The following PTP4A1 variants were observed in gnomAD, a reference collection of about 807,000 sequenced individuals.
PTP4A1 encodes protein tyrosine phosphatase 4A1.
In PTP4A1, 9 loss-of-function variants were observed where a neutral mutation model predicts 20.5. That is an observed-to-expected ratio of 0.44 (90% CI 0.26 to 0.77). The LOEUF is 0.77. PTP4A1 is among the 30% of genes least tolerant of loss of function. PTP4A1 has a pLI of 0.19. For missense variants in PTP4A1, 137 were observed against 218.8 expected (o/e 0.63, Z 2.36); for synonymous variants, 78 against 67.4 (o/e 1.16, Z -0.77).
Position 63,572,665 on chromosome 6 carries a change from C to T in PTP4A1, c.-500C>T, listed in dbSNP as rs1203512917. 9.7e-6 allele frequency: 4 copies of T among 410,398 alleles called. No homozygotes were observed. Among genetic ancestry groups the T allele is most frequent in the Non-Finnish European group, 1.7e-5 (4 of 235,146 alleles). The allele number at this position is 410,398 out of a possible 1,614,324, so 25.4% of individuals were successfully genotyped here. ...ACCGCCACCGCCTGTGTCGCCGCCG[C>T]CTCGGGACCGGCTGTATGATTAGGC... On this transcript the variant is annotated 5_prime_UTR_variant, in exon 1 of 6. Coordinates refer to ENST00000626021, the MANE Select transcript of PTP4A1 (RefSeq NM_003463.5).
chr6:63,554,431 C>T (rs185010949), intron 3 of PTP4A1, among the ~76,000 whole-genome samples: 120 of 152,306 alleles, frequency 7.9e-4, no homozygotes, highest in East Asian at 7.5e-3. Flanking sequence ...CCTCCACTCC[C>T]ACATTACAAC....
chr6:63,551,585 G>A (rs1242423112), intron 3 of PTP4A1, among the ~76,000 whole-genome samples: 1 of 151,872 alleles, frequency 6.6e-6, no homozygotes, highest in South Asian at 2.1e-4. Context: ...TGTGCACAAT[G>A]TGCAGGTTTG....
chr6:63,538,666 G>T (rs1775822626), intron 2 of PTP4A1, among the ~76,000 whole-genome samples: 1 of 152,064 alleles, frequency 6.6e-6, no homozygotes. Flanking sequence ...TTTTAAGATA[G>T]CATGAAAATG....
intron 2 of PTP4A1, among the ~76,000 whole-genome samples, chr6:63,537,605 A>G (rs1210922009): frequency 6.6e-6 from 1 of 152,228 alleles, no homozygotes. Context: ...TGAATTCTGC[A>G]TTTGTTTGTT....
At chr6:63,520,101 A>G (rs1010791493), upstream of PTP4A1, among the ~76,000 whole-genome samples, 2 of 152,194 alleles carry the variant, frequency 1.3e-5, no homozygotes, top group Non-Finnish European at 2.9e-5. Context: ...TCAAACAAAA[A>G]CTAACCACTG....
At chr6:63,541,428 C>T (rs962155181) in intron 2 of PTP4A1, among the ~76,000 whole-genome samples, 3 of 151,996 alleles carry the variant, frequency 2.0e-5, no homozygotes, top group African/African-American at 7.2e-5. Flanking sequence ...TGGCAGGTGC[C>T]TATAATTCCA....
rs556814616 is a variant in PTP4A1 at position 63,542,020 on chromosome 6, G to C, written c.-639-8280G>C. Reference sequence around the variant, plus strand: ...CTCTCATTTGGTGGATAAAGAAACTGTGGTGTGTGTGTGTGTGTGTGTGTG... The same window carrying C: ...CTCTCATTTGGTGGATAAAGAAACTCTGGTGTGTGTGTGTGTGTGTGTGTG... On this transcript the variant is annotated intron_variant, in intron 2 of 3. Transcript: ENST00000639568. 3.8e-3 allele frequency among the ~76,000 whole-genome samples: 373 copies of C among 97,666 alleles called. 3 individuals are homozygous for C. Among genetic ancestry groups the C allele is most frequent in the African/African-American group, 0.015 (354 of 23,328 alleles). 64.1% of individuals were successfully genotyped at this position (97,666 alleles called of 152,430 possible).
At position 63,536,308 on chromosome 6, in the gene PTP4A1, C is replaced by CA. The variant is rs1222790785; in HGVS notation, c.-640+8226dup. 6.6e-5 allele frequency among the ~76,000 whole-genome samples: 10 copies of CA among 151,840 alleles called. No homozygotes were observed. The South Asian group carries it at 1.7e-3, about 25-fold the overall frequency. ...TCCTGCCACTGCACTCCAGCCTGAG[C>CA]AACAAGAGCTAGATTCTGTCTCAAA... On this transcript the variant is annotated intron_variant, in intron 2 of 3. Coordinates refer to the PTP4A1 transcript ENST00000639568.
upstream of PTP4A1, among the ~76,000 whole-genome samples, chr6:63,518,860 C>G (rs1361043817): frequency 6.6e-6 from 1 of 152,056 alleles, no homozygotes; most frequent in Admixed American, 6.5e-5. Context: ...AAAGGTAACT[C>G]TTGAAGACTG....
At chr6:63,579,760 A>G (rs1490053912) in intron 5 of PTP4A1, among the ~76,000 whole-genome samples, 1 of 152,228 alleles carries the variant, frequency 6.6e-6, no homozygotes, top group Non-Finnish European at 1.5e-5. Context: ...CTGCTACCAG[A>G]GGCAACTTCT....
intron 1 of PTP4A1, chr6:63,573,370 T>G (rs919196231): frequency 1.3e-5 from 2 of 151,368 alleles, no homozygotes; most frequent in African/African-American, 2.4e-5. Flanking sequence ...AGCTCCGGGG[T>G]GGGCGCGGGA....
intron 1 of PTP4A1, among the ~76,000 whole-genome samples, chr6:63,574,314 C>T (rs1284344185): frequency 6.6e-6 from 1 of 152,166 alleles, no homozygotes; most frequent in African/African-American, 2.4e-5. Context: ...TTACTCTTTC[C>T]TCCTCTCCCT....
At position 63,541,685 on chromosome 6, in the gene PTP4A1, G is replaced by A. The variant is rs530649827; in HGVS notation, c.-639-8615G>A. ...CATATATTTCACCAAGCAATTAGAA[G>A]CAATCAGAAGGGCAAGCCCCTACTG... On this transcript the variant is annotated intron_variant, in intron 2 of 3. Transcript: ENST00000639568. Among the ~76,000 whole-genome samples the A allele has an allele frequency of 3.9e-5, 6 of 152,174 alleles. No homozygotes were observed. The South Asian group carries it at 6.2e-4, about 16-fold the overall frequency.
intron 1 of PTP4A1, among the ~76,000 whole-genome samples, chr6:63,522,271 A>C (rs1562110128): frequency 6.6e-6 from 1 of 152,188 alleles, no homozygotes; most frequent in Admixed American, 6.6e-5. Flanking sequence ...TACTTATTTG[A>C]ATTTAGATGA....
chr6:63,572,816 A>C (rs1317870497), intron 1 of PTP4A1, 97 bp downstream of exon 1: 1 of 395,860 alleles, frequency 2.5e-6, no homozygotes, highest in Admixed American at 4.4e-5. Flanking sequence ...CGTCTCCTCC[A>C]GGTTGCCCCG....
intron 3 of PTP4A1, among the ~76,000 whole-genome samples, chr6:63,552,584 G>T (rs1333881469): frequency 6.6e-6 from 1 of 152,130 alleles, no homozygotes; most frequent in Non-Finnish European, 1.5e-5. Flanking sequence ...ATTGCTTTTG[G>T]TGTTTTAGAC....
upstream of PTP4A1, among the ~76,000 whole-genome samples, chr6:63,517,522 G>C (rs1774773027): frequency 1.3e-5 from 2 of 152,102 alleles, no homozygotes; most frequent in African/African-American, 4.8e-5. Flanking sequence ...ATCTCCTGAT[G>C]ATAACCTCAA....
At chr6:63,546,229 T>C (rs74419708) in intron 2 of PTP4A1, among the ~76,000 whole-genome samples, 2,102 of 152,268 alleles carry the variant, frequency 0.014, 47 homozygotes, top group African/African-American at 0.048. Context: ...ATACTGTCCT[T>C]TGCTATGACA....
intron 1 of PTP4A1, among the ~76,000 whole-genome samples, chr6:63,524,863 A>AT (rs1458414313): frequency 6.6e-6 from 1 of 152,250 alleles, no homozygotes; most frequent in Non-Finnish European, 1.5e-5. Flanking sequence ...GAGATGTGGC[A>AT]TACCACAATG....
Sources: gnomAD v4.1 joint callset for allele counts (sites outside exome capture counted in the v4.1 genomes callset) on GRCh38, gnomAD v4.1.1 for gene constraint, MANE v1.5 for transcripts, NCBI Gene and HGNC (gene_info 2026-07-23, HGNC 2026-07-21) for gene names.